Variants in STARD9 observed in about 807,000 individuals in gnomAD.
STARD9 encodes StAR related lipid transfer domain containing 9.
A neutral mutation model predicts 399.8 loss-of-function variants in STARD9; 346 were observed. The ratio of observed to expected loss-of-function variants is 0.87; its 90% CI spans 0.79 to 0.95. The LOEUF is 0.95. STARD9 is among the 40% of genes least tolerant of loss of function. The pLI, the probability that STARD9 is intolerant of heterozygous loss-of-function variation, is 0.00. For missense variants in STARD9, 5,832 were observed against 5,667.5 expected (o/e 1.03, Z -0.93); for synonymous variants, 2,203 against 2,143.5 (o/e 1.03, Z -0.77).
intron 26 of STARD9, among the ~76,000 whole-genome samples, chr15:42,698,519 A>G (rs537009971): frequency 6.6e-6 from 1 of 152,158 alleles, no homozygotes; most frequent in South Asian, 2.1e-4. Context: ...TCTCTTACCA[A>G]TTTGGAGAGT....
chr15:42,689,569 A>C lies in STARD9; in HGVS notation c.7991A>C (p.Gln2664Pro), dbSNP rs1227221179. The change falls in exon 23 of 33, where the codon CAG becomes CCG. Residue 2664 changes from glutamine (Q) to proline (P), a missense_variant. By Grantham distance (76) the Gln-to-Pro change is moderately conservative (BLOSUM62 -1). Coordinates refer to ENST00000290607, the MANE Select transcript of STARD9 (RefSeq NM_020759.3). ...ETDREPWDPV[Q>P]AFSHAAPAQD... The stretch of plus-strand genomic sequence containing the variant: ...GACAGAGAGCCATGGGATCCTGTGC[A>C]GGCTTTCTCCCATGCTGCTCCTGCT... 1.3e-6 allele frequency: 2 copies of C among 1,537,352 alleles called. No homozygotes were observed. Among genetic ancestry groups the C allele is most frequent in the African/African-American group, 1.4e-5 (1 of 73,180 alleles).
chr15:42,637,850 T>C (rs2059447780), intron 4 of STARD9, 57 bp from the exon 5 acceptor site: 1 of 1,518,740 alleles, frequency 6.6e-7, no homozygotes, highest in South Asian at 1.2e-5. Context: ...GGGTATTCTG[T>C]GGGGGAGAGC....
chr15:42,680,544 C>A (rs1279931798), intron 20 of STARD9, among the ~76,000 whole-genome samples: 2 of 152,038 alleles, frequency 1.3e-5, no homozygotes, highest in African/African-American at 2.4e-5. Context: ...AGGTTGCAGT[C>A]AGCCAAGATC....
rs535962355 is a variant in STARD9 at position 42,668,478 on chromosome 15, T to G, written c.1318-680T>G. Among the ~76,000 whole-genome samples the G allele has an allele frequency of 1.7e-3, 258 of 152,194 alleles. 2 individuals are homozygous for G. Among genetic ancestry groups the G allele is most frequent in the Non-Finnish European group, 2.8e-3 (190 of 68,000 alleles). ...TAAAAGAAGAAAAAGTACCCTACATTTATCACTGTGCATGTCCCTAAAGTG... is the reference window on the plus strand; with the variant it reads ...TAAAAGAAGAAAAAGTACCCTACATGTATCACTGTGCATGTCCCTAAAGTG... On this transcript the variant is annotated intron_variant, in intron 15 of 32. Coordinates refer to ENST00000290607, the MANE Select transcript of STARD9 (RefSeq NM_020759.3).
chr15:42,598,639 A>G (rs1159805915), intron 3 of STARD9, among the ~76,000 whole-genome samples: 1 of 152,080 alleles, frequency 6.6e-6, no homozygotes, highest in South Asian at 2.1e-4. Context: ...TGATATTTTG[A>G]TACAATCTGT....
intron 3 of STARD9, among the ~76,000 whole-genome samples, chr15:42,590,677 T>G (rs1223600470): frequency 6.6e-6 from 1 of 152,200 alleles, no homozygotes; most frequent in African/African-American, 2.4e-5. Flanking sequence ...ATAGAAAGTA[T>G]TGTGCCAGTA....
intron 20 of STARD9, among the ~76,000 whole-genome samples, chr15:42,680,805 T>C (rs1438576903): frequency 1.3e-5 from 2 of 152,110 alleles, no homozygotes; most frequent in Non-Finnish European, 1.5e-5. Context: ...TGTGGTAGAG[T>C]CTAAAACTCT....
chr15:42,679,553 A>C (rs527497690), intron 20 of STARD9, among the ~76,000 whole-genome samples: 1 of 152,094 alleles, frequency 6.6e-6, no homozygotes, highest in African/African-American at 2.4e-5. Context: ...CCCCCGGGCT[A>C]TTCCACCTAT....
chr15:42,643,517 A>C (rs565233720), intron 7 of STARD9, among the ~76,000 whole-genome samples: 2 of 151,840 alleles, frequency 1.3e-5, no homozygotes, highest in African/African-American at 2.4e-5. Flanking sequence ...TTAAAAAAAA[A>C]CAGAGTCTCG....
chr15:42,625,842 A>G (rs982830746), intron 3 of STARD9, among the ~76,000 whole-genome samples: 92 of 152,146 alleles, frequency 6.0e-4, no homozygotes, highest in African/African-American at 2.1e-3. Flanking sequence ...TGATTTTCGT[A>G]TTTATAAAAG....
intron 3 of STARD9, among the ~76,000 whole-genome samples, chr15:42,597,995 T>C (rs1269655284): frequency 2.8e-5 from 2 of 70,666 alleles, no homozygotes; most frequent in East Asian, 5.5e-4. Flanking sequence ...TGTTTGTATA[T>C]ATATATGTGT....
At chr15:42,644,749 C>G (rs2059614406) in intron 7 of STARD9, among the ~76,000 whole-genome samples, 1 of 152,294 alleles carries the variant, frequency 6.6e-6, no homozygotes, top group African/African-American at 2.4e-5. Context: ...GTGTGAAATG[C>G]TGTTTGATAG....
chr15:42,656,910 ACT>A (rs1230506357), intron 9 of STARD9, among the ~76,000 whole-genome samples: 12 of 152,182 alleles, frequency 7.9e-5, no homozygotes, highest in Non-Finnish European at 1.5e-4. Context: ...TACAGGGTAC[ACT>A]GTTTGGGTGA....
At chr15:42,667,485 T>C (rs2060125743) in intron 15 of STARD9, among the ~76,000 whole-genome samples, 1 of 144,002 alleles carries the variant, frequency 6.9e-6, no homozygotes, top group Non-Finnish European at 1.5e-5. Flanking sequence ...ACTTGGCCTA[T>C]TTTTTATTAT....
chr15:42,696,917 C>T (rs1397687336), intron 26 of STARD9, among the ~76,000 whole-genome samples: 1 of 152,126 alleles, frequency 6.6e-6, no homozygotes, highest in East Asian at 1.9e-4. Flanking sequence ...GTTGAAGGTG[C>T]CTGTGAGAAA....
chr15:42,718,311 C>T, intron 30 of STARD9, 124 bp from the exon 31 acceptor site: 2 of 1,224,170 alleles, frequency 1.6e-6, no homozygotes, highest in Non-Finnish European at 1.2e-6. Context: ...ACCTTGATTG[C>T]TCAGCCTAGG....
rs781538433 is a variant in STARD9 at position 42,692,341 on chromosome 15, C to T, written c.10763C>T (p.Pro3588Leu). ...CCCACTTCGGGTCATGACAGAAGGCCTCAGTTCAGGGGCCCTTCTGGTGAA... is the reference window on the plus strand; with the variant it reads ...CCCACTTCGGGTCATGACAGAAGGCTTCAGTTCAGGGGCCCTTCTGGTGAA... ...VAPTSGHDRR[P>L]QFRGPSGEAD... is the part of the protein sequence containing the mutation. Residue 3588 changes from proline (P) to leucine (L), a missense_variant, in exon 23 of 33, where the codon CCT (proline) becomes CTT (leucine). By Grantham distance (98) the Pro-to-Leu change is moderately conservative. Around this residue, in one of 2 missense-constraint regions of STARD9, gnomAD observed 5,828 missense variants for 5,651.1 expected, o/e 1.03. Coordinates refer to ENST00000290607, the MANE Select transcript of STARD9 (RefSeq NM_020759.3). 6.5e-7 allele frequency: 1 copy of T among 1,536,980 alleles called. No homozygotes were observed. The highest frequency in any genetic ancestry group is 1.2e-5 in the South Asian group (1 of 84,060).
In STARD9 at chr15:42,687,779, G is replaced by A. The variant is rs1193902350; in HGVS notation, c.6201G>A (p.Lys2067=). 1 of 1,537,504 alleles carries A rather than the reference G, an allele frequency of 6.5e-7. No homozygotes were observed. Among genetic ancestry groups the A allele is most frequent in the East Asian group, 2.4e-5 (1 of 40,916 alleles). Residue 2067 remains lysine (K), a synonymous_variant, in exon 23 of 33, where the codon AAG becomes AAA. Transcript: ENST00000290607. ...LENGILEIES[K]QNKQVHASHT... ...ATGGCATCTTAGAAATTGAATCTAA[G>A]CAGAATAAGCAGGTTCATGCTTCCC... is the stretch of plus-strand genomic sequence containing the variant.
Position 42,665,275 on chromosome 15 carries a change from G to C in STARD9, c.1199G>C (p.Arg400Thr). 6.5e-7 allele frequency: 1 copy of C among 1,537,064 alleles called. No individual in the cohort carries two copies. Among genetic ancestry groups the C allele is most frequent in the Non-Finnish European group, 8.7e-7 (1 of 1,146,800 alleles). The change falls in exon 14 of 33, where the codon AGA becomes ACA. Residue 400 changes from arginine to threonine, a missense_variant. Arg to Thr is a moderately conservative substitution (Grantham distance 71, BLOSUM62 -1). Around this residue, in one of 2 missense-constraint regions of STARD9, gnomAD observed 5,828 missense variants for 5,651.1 expected, o/e 1.03. Transcript: ENST00000290607. ...CAGGATGCAAACTTAAAACTGATTA[G>C]AGAACTCAGAGAAGAGATTGAAAGA... ...VNEDANLKLI[R>T]ELREEIERLK... is the part of the protein sequence containing the mutation.
Sources: gnomAD v4.1 joint callset for allele counts (sites outside exome capture counted in the v4.1 genomes callset) on GRCh38, gnomAD v4.1.1 for gene constraint, gnomAD v4.1.1 regional missense constraint, MANE v1.5 for transcripts, NCBI Gene and HGNC (gene_info 2026-07-23, HGNC 2026-07-21) for gene names.